Variants in MAP6 observed in about 807,000 individuals in gnomAD.
The protein encoded by MAP6 is microtubule-associated protein 6.
Under a neutral mutation model 42.4 loss-of-function variants are expected in MAP6, and 26 were observed. The ratio of observed to expected loss-of-function variants is 0.61; its 90% confidence interval spans 0.45 to 0.85. The LOEUF (loss-of-function observed/expected upper bound fraction) is 0.85. Ranked by LOEUF, MAP6 falls within the 40% of genes least tolerant of loss-of-function variation. The pLI is 0.00. For missense variants in MAP6, 966 were observed against 1,099.0 expected, an observed-to-expected ratio of 0.88 and a Z score of 1.71; for synonymous variants, 418 against 443.8, an observed-to-expected ratio of 0.94 and a Z score of 0.73.
rs551546688 is a variant in MAP6, at chr11:75,631,072, G to A, written c.906-22750C>T. Among the ~76,000 whole-genome samples the A allele has an allele frequency of 1.2e-4, 18 of 152,240 alleles. No individual in the cohort carries two copies. The East Asian group carries it at 2.1e-3, about 18-fold the overall frequency. On this transcript the variant is annotated intron_variant, in intron 1 of 3. Coordinates refer to ENST00000304771, the MANE Select transcript of MAP6 (RefSeq NM_033063.2). The stretch of plus-strand genomic sequence containing the variant: ...TAAATTGTGTCTATAATAAAGTGCC[G>A]GGCACACCACTTGGCTCAAGGTGGC...
intron 1 of MAP6, among the ~76,000 whole-genome samples, chr11:75,632,226 G>A (rs1362826653): frequency 6.6e-6 from 1 of 152,200 alleles, no homozygotes; most frequent in Non-Finnish European, 1.5e-5. Context: ...AGGTCACCCA[G>A]CTAGTAAGAA....
intron 1 of MAP6, among the ~76,000 whole-genome samples, chr11:75,626,833 G>A (rs1943206096): frequency 6.6e-6 from 1 of 152,280 alleles, no homozygotes; most frequent in Admixed American, 6.5e-5. Context: ...GAAAAGACAA[G>A]GAGCCCACAA....
chr11:75,629,245 G>T (rs1943245624), intron 1 of MAP6, among the ~76,000 whole-genome samples: 1 of 152,060 alleles, frequency 6.6e-6, no homozygotes, highest in African/African-American at 2.4e-5. Context: ...GTGCCACAAT[G>T]CCTGGCTAAT....
At chr11:75,611,016 T>C (rs1022817382) in intron 1 of MAP6, among the ~76,000 whole-genome samples, 1 of 152,190 alleles carries the variant, frequency 6.6e-6, no homozygotes, top group Non-Finnish European at 1.5e-5. Context: ...TTTCTTTAGG[T>C]TCAATCCTCC....
chr11:75,643,939 G>A (rs750402198), intron 1 of MAP6, among the ~76,000 whole-genome samples: 8 of 152,178 alleles, frequency 5.3e-5, no homozygotes, highest in Middle Eastern at 3.2e-3. Flanking sequence ...AAAGCAGCCC[G>A]TCTCTTAGGC....
chr11:75,666,390 G>C (rs568756688), intron 1 of MAP6, among the ~76,000 whole-genome samples: 1 of 151,874 alleles, frequency 6.6e-6, no homozygotes, highest in East Asian at 1.9e-4. Context: ...TAGAAGGAAA[G>C]AGAGAGAGAG....
chr11:75,592,668 A>G (rs945674038), intron 3 of MAP6, among the ~76,000 whole-genome samples: 3 of 152,064 alleles, frequency 2.0e-5, no homozygotes, highest in Non-Finnish European at 2.9e-5. Flanking sequence ...GCTCTCCTCC[A>G]ACCCATTCTT....
At chr11:75,615,174 T>G (rs1942975472) in intron 1 of MAP6, among the ~76,000 whole-genome samples, 1 of 152,076 alleles carries the variant, frequency 6.6e-6, no homozygotes, top group Non-Finnish European at 1.5e-5. Context: ...CTGGGCCAGA[T>G]GATGATGATG....
chr11:75,625,156 C>A (rs547199906), intron 1 of MAP6, among the ~76,000 whole-genome samples: 1 of 152,172 alleles, frequency 6.6e-6, no homozygotes, highest in African/African-American at 2.4e-5. Context: ...GCAATCCTTC[C>A]CTCCCAGCAT....
At chr11:75,641,172 A>G (rs1943463523) in intron 1 of MAP6, among the ~76,000 whole-genome samples, 1 of 152,114 alleles carries the variant, frequency 6.6e-6, no homozygotes, top group South Asian at 2.1e-4. Context: ...TGATGAGTTC[A>G]TGTCCTTTGT....
At chr11:75,640,861 T>C (rs1465327950) in intron 1 of MAP6, among the ~76,000 whole-genome samples, 1 of 152,148 alleles carries the variant, frequency 6.6e-6, no homozygotes, top group East Asian at 1.9e-4. Flanking sequence ...TGTGGAGAAA[T>C]AGGAACACTT....
intron 1 of MAP6, among the ~76,000 whole-genome samples, chr11:75,657,481 T>C (rs1404873481): frequency 6.6e-6 from 1 of 152,128 alleles, no homozygotes; most frequent in Non-Finnish European, 1.5e-5. Flanking sequence ...GTGTAGTGCA[T>C]CGAGGCCAGG....
At chr11:75,664,714 T>C (rs1943917570) in intron 1 of MAP6, among the ~76,000 whole-genome samples, 1 of 152,162 alleles carries the variant, frequency 6.6e-6, no homozygotes, top group African/African-American at 2.4e-5. Flanking sequence ...CCTAGAAACA[T>C]AGCAAGGAAA....
chr11:75,638,124 C>G (rs1004866957), intron 1 of MAP6, among the ~76,000 whole-genome samples: 1 of 152,044 alleles, frequency 6.6e-6, no homozygotes, highest in African/African-American at 2.4e-5. Context: ...TCAAGAACAC[C>G]AGGGTGGCTT....
intron 3 of MAP6, chr11:75,594,369 A>G (rs1942539787): frequency 6.6e-6 from 1 of 152,164 alleles, no homozygotes; most frequent in South Asian, 2.1e-4. Flanking sequence ...GACACAAACA[A>G]AGCTCCCAAC....
At position 75,605,979 on chromosome 11, in the gene MAP6, G is replaced by C. The variant is rs1324324784; in HGVS notation, c.1145C>G (p.Ser382Cys). Residue 382 changes from serine to cysteine, a missense_variant, in exon 3 of 4, where the codon TCC becomes TGC. This residue lies in a region of MAP6 where 943 missense variants were observed against 1,049.9 expected (regional missense o/e 0.90). Transcript: ENST00000304771. Reference sequence around the variant, plus strand: ...GCTCGCTGAGGTCTTTTTTGGTTTGGAACTCTGAACACTAGGTTTTTCCAC... The same window carrying C: ...GCTCGCTGAGGTCTTTTTTGGTTTGCAACTCTGAACACTAGGTTTTTCCAC... ...PKVEKPSVQS[S>C]KPKKTSASHK... 6.2e-7 allele frequency: 1 copy of C among 1,613,798 alleles called. No individual in the cohort carries two copies. Among genetic ancestry groups the C allele is most frequent in the African/African-American group, 1.3e-5 (1 of 74,986 alleles).
At chr11:75,625,073 C>T (rs1447970917) in intron 1 of MAP6, among the ~76,000 whole-genome samples, 1 of 152,168 alleles carries the variant, frequency 6.6e-6, no homozygotes, top group African/African-American at 2.4e-5. Flanking sequence ...TCAAGGGCCT[C>T]GCCGAGGAAT....
chr11:75,648,423 G>A (rs1234259284), intron 1 of MAP6, among the ~76,000 whole-genome samples: 1 of 152,120 alleles, frequency 6.6e-6, no homozygotes, highest in Non-Finnish European at 1.5e-5. Context: ...GCTTGACCCT[G>A]GAAGGTCGAA....
intron 1 of MAP6, among the ~76,000 whole-genome samples, chr11:75,616,600 A>G (rs543232737): frequency 1.3e-5 from 2 of 152,356 alleles, no homozygotes; most frequent in African/African-American, 4.8e-5. Context: ...TATAGATTAA[A>G]AAGAAAGAAC....
Sources: gnomAD v4.1 joint callset for allele counts (sites outside exome capture counted in the v4.1 genomes callset) on GRCh38, gnomAD v4.1.1 for gene constraint, gnomAD v4.1.1 regional missense constraint, MANE v1.5 for transcripts, NCBI Gene and HGNC (gene_info 2026-07-23, HGNC 2026-07-21) for gene names.